RABGAP1L: variants seen among roughly 807,000 people sequenced by gnomAD.
RABGAP1L encodes the protein RAB GTPase activating protein 1 like.
A neutral mutation model predicts 137.7 loss-of-function variants in RABGAP1L; 63 were observed. The ratio of observed to expected loss-of-function variants is 0.46; its 90% CI spans 0.37 to 0.56. RABGAP1L has a LOEUF of 0.56. RABGAP1L is among the 20% of genes least tolerant of loss of function. The pLI is 0.00. For synonymous variants in RABGAP1L, 431 were observed against 433.7 expected, an observed-to-expected ratio of 0.99 and a Z score of 0.08; for missense variants, 1,095 against 1,244.0, an observed-to-expected ratio of 0.88 and a Z score of 1.80.
At chr1:174,792,630 C>T (rs779908740) in intron 18 of RABGAP1L, among the ~76,000 whole-genome samples, 52 of 152,174 alleles carry the variant, frequency 3.4e-4, no homozygotes, top group Non-Finnish European at 6.0e-4. Context: ...CAAGTGTATA[C>T]TTATGGCAAA....
chr1:174,376,579 A>G (rs573301092), intron 12 of RABGAP1L, among the ~76,000 whole-genome samples: 2 of 152,346 alleles, frequency 1.3e-5, no homozygotes, highest in South Asian at 2.1e-4. Context: ...TCAATAGGCT[A>G]AAGAAGAAAA....
chr1:174,811,834 C>T lies in RABGAP1L; in HGVS notation c.2214C>T (p.Thr738=). 1 of 1,579,482 alleles carries T rather than the reference C, an allele frequency of 6.3e-7. No homozygotes were observed. Among genetic ancestry groups the T allele is most frequent in the Non-Finnish European group, 8.6e-7 (1 of 1,164,762 alleles). The part of the protein sequence containing the change: ...IFHVALALLK[T]SKEDLLQADF... ...GATTCTTGATGATTATTTTGCAGACCTCAAAGGAAGACCTTCTGCAGGCTG... is the reference window on the plus strand; with the variant it reads ...GATTCTTGATGATTATTTTGCAGACTTCAAAGGAAGACCTTCTGCAGGCTG... Residue 738 remains threonine, a splice_region_variant and synonymous_variant, in exon 19 of 26, where the codon ACC becomes ACT. Coordinates refer to ENST00000681986, the MANE Select transcript of RABGAP1L (RefSeq NM_001366446.1).
intron 24 of RABGAP1L, 126 bp from the exon 25 acceptor site, chr1:174,988,515 T>C: frequency 1.2e-6 from 1 of 845,958 alleles, no homozygotes; most frequent in Non-Finnish European, 1.7e-6. Flanking sequence ...AGAAAAATAA[T>C]TAACCTTCAG....
At chr1:174,297,479 T>C (rs1256783435) in intron 10 of RABGAP1L, among the ~76,000 whole-genome samples, 3 of 152,208 alleles carry the variant, frequency 2.0e-5, no homozygotes, top group Non-Finnish European at 4.4e-5. Flanking sequence ...GGCGAACTTC[T>C]CGAGTTCCAC....
At chr1:174,401,265 C>A (rs1648545428) in intron 13 of RABGAP1L, among the ~76,000 whole-genome samples, 1 of 152,094 alleles carries the variant, frequency 6.6e-6, no homozygotes, top group Non-Finnish European at 1.5e-5. Context: ...TGGTTGGTGA[C>A]CTTGGGCAAG....
At chr1:174,773,952 G>C (rs577928978) in intron 18 of RABGAP1L, among the ~76,000 whole-genome samples, 7 of 152,308 alleles carry the variant, frequency 4.6e-5, no homozygotes, top group African/African-American at 1.7e-4. Flanking sequence ...TTATCTGTAA[G>C]AGTTGCTGGT....
chr1:174,600,973 C>G (rs1309230905), intron 13 of RABGAP1L, among the ~76,000 whole-genome samples: 6 of 152,226 alleles, frequency 3.9e-5, no homozygotes, highest in Non-Finnish European at 2.9e-5. Flanking sequence ...CTGAAGCAAA[C>G]TTTTGTCTGG....
chr1:174,891,082 T>C (rs1176331819), intron 19 of RABGAP1L, among the ~76,000 whole-genome samples: 1 of 152,250 alleles, frequency 6.6e-6, no homozygotes, highest in Non-Finnish European at 1.5e-5. Flanking sequence ...TTATATTAGT[T>C]AATATAACTA....
intron 18 of RABGAP1L, among the ~76,000 whole-genome samples, chr1:174,782,121 A>G (rs1188931162): frequency 6.6e-6 from 1 of 152,168 alleles, no homozygotes; most frequent in Non-Finnish European, 1.5e-5. Flanking sequence ...TGGTAGCTTG[A>G]TGGGGATGGC....
intron 18 of RABGAP1L, among the ~76,000 whole-genome samples, chr1:174,769,245 C>A (rs1230051075): frequency 6.6e-6 from 1 of 152,038 alleles, no homozygotes; most frequent in Non-Finnish European, 1.5e-5. Context: ...TGGATACTTG[C>A]TGCTGATTGG....
chr1:174,646,119 G>A (rs1674949223), intron 14 of RABGAP1L, among the ~76,000 whole-genome samples: 1 of 152,030 alleles, frequency 6.6e-6, no homozygotes, highest in African/African-American at 2.4e-5. Flanking sequence ...TTAGCCCTTG[G>A]TCAGATGGAT....
chr1:174,524,665 T>G lies in RABGAP1L; in HGVS notation c.1711-112710T>G, dbSNP rs80029262. On this transcript the variant is annotated intron_variant, in intron 13 of 25. Coordinates refer to ENST00000681986, the MANE Select transcript of RABGAP1L (RefSeq NM_001366446.1). The stretch of plus-strand genomic sequence containing the variant: ...TAGTTTAATATAGTCCCCTTGTTTA[T>G]TTTTGTTTTAGTTTTTTGTGCTTTT... 7.2e-5 allele frequency among the ~76,000 whole-genome samples: 11 copies of G among 152,256 alleles called. No individual in the cohort carries two copies. The East Asian group carries it at 2.1e-3, about 29-fold the overall frequency.
intron 1 of RABGAP1L, among the ~76,000 whole-genome samples, chr1:174,197,292 C>T (rs940415552): frequency 2.0e-5 from 3 of 152,176 alleles, no homozygotes; most frequent in Admixed American, 1.3e-4. Context: ...TGTCTGACTC[C>T]AGCAGTTGAG....
intron 19 of RABGAP1L, among the ~76,000 whole-genome samples, chr1:174,890,365 C>T (rs1655921649): frequency 6.6e-6 from 1 of 152,160 alleles, no homozygotes; most frequent in Non-Finnish European, 1.5e-5. Flanking sequence ...AGTTCATTTT[C>T]CTTGTGGGTT....
intron 19 of RABGAP1L, among the ~76,000 whole-genome samples, chr1:174,817,728 G>A (rs958123089): frequency 1.3e-5 from 2 of 152,210 alleles, no homozygotes; most frequent in African/African-American, 4.8e-5. Flanking sequence ...TGGATTGAAA[G>A]GGTTAAGATT....
intron 13 of RABGAP1L, among the ~76,000 whole-genome samples, chr1:174,624,186 A>C (rs1672761677): frequency 6.6e-6 from 1 of 152,044 alleles, no homozygotes; most frequent in South Asian, 2.1e-4. Context: ...TTTATACCAC[A>C]CTCGCTGTTA....
At chr1:174,571,232 CATAGAG>C (rs1424084627) in intron 13 of RABGAP1L, among the ~76,000 whole-genome samples, 1 of 151,828 alleles carries the variant, frequency 6.6e-6, no homozygotes, top group Non-Finnish European at 1.5e-5. Context: ...CAATTGAACT[CATAGAG>C]AGAGAATAGA....
intron 11 of RABGAP1L, among the ~76,000 whole-genome samples, chr1:174,321,392 C>T (rs1679962262): frequency 6.6e-6 from 1 of 152,116 alleles, no homozygotes; most frequent in African/African-American, 2.4e-5. Context: ...CGTACACTCC[C>T]TCCCCTTTGA....
At chr1:174,605,241 T>C (rs1205107416) in intron 13 of RABGAP1L, among the ~76,000 whole-genome samples, 1 of 152,182 alleles carries the variant, frequency 6.6e-6, no homozygotes, top group Non-Finnish European at 1.5e-5. Flanking sequence ...ACACTTGTCA[T>C]GGTGAGGAGG....
Sources: gnomAD v4.1 joint callset for allele counts (sites outside exome capture counted in the v4.1 genomes callset) on GRCh38, gnomAD v4.1.1 for gene constraint, MANE v1.5 for transcripts, NCBI Gene and HGNC (gene_info 2026-07-23, HGNC 2026-07-21) for gene names.